Variants in DPP6 observed in about 807,000 individuals in gnomAD.
DPP6 encodes the protein A-type potassium channel modulatory protein DPP6.
DPP6 carries 69 observed loss-of-function variants against 122.6 expected under a neutral mutation model. The observed-to-expected ratio is 0.56, with a 90% CI of 0.46 to 0.69. DPP6 has a LOEUF of 0.69. Ranked by LOEUF, DPP6 falls within the 30% of genes least tolerant of loss-of-function variation. The pLI is 0.00. For synonymous variants in DPP6, 418 were observed against 433.1 expected, an observed-to-expected ratio of 0.97 and a Z score of 0.43; for missense variants, 928 against 1,116.9, an observed-to-expected ratio of 0.83 and a Z score of 2.41.
the DPP6 span, among the ~76,000 whole-genome samples, chr7:153,866,891 A>G: frequency 6.6e-6 from 1 of 152,078 alleles, no homozygotes; most frequent in Admixed American, 6.5e-5. Context: ...TCCCAGCACC[A>G]TTTATTAAAT....
intron 1 of DPP6, among the ~76,000 whole-genome samples, chr7:153,964,950 TTC>T (rs1371749620): frequency 3.1e-5 from 4 of 129,068 alleles, no homozygotes; most frequent in East Asian, 2.1e-4. Flanking sequence ...TTTTCTTTCT[TTC>T]TCTCTTTCTT....
In DPP6 at chr7:154,603,581, A is replaced by G. The variant is rs143217185; in HGVS notation, c.628-34240A>G. On this transcript the variant is annotated intron_variant, in intron 5 of 25. Transcript: ENST00000377770. ...TGAGGCAGGAGAATTGCTTGAAACC[A>G]GGAGGTGGAGGTTGCAATGAGCCAA... Among the ~76,000 whole-genome samples the G allele has an allele frequency of 1.7e-4, 17 of 97,340 alleles. 1 individual carries two copies. Among genetic ancestry groups the G allele is most frequent in the African/African-American group, 4.9e-4 (15 of 30,764 alleles). The allele number at this position is 97,340 out of a possible 152,430, so 63.9% of individuals were successfully genotyped here. A position where few individuals can be genotyped will look rare whatever the true frequency, so the allele number is the denominator to read the frequency against.
At chr7:154,418,130 G>T (rs1312907732) in intron 1 of DPP6, among the ~76,000 whole-genome samples, 1 of 152,138 alleles carries the variant, frequency 6.6e-6, no homozygotes, top group Non-Finnish European at 1.5e-5. Context: ...CCTCCAGCAT[G>T]CCATAGCAGA....
intron 5 of DPP6, among the ~76,000 whole-genome samples, chr7:154,595,864 G>A (rs994672023): frequency 2.6e-5 from 4 of 152,196 alleles, no homozygotes; most frequent in African/African-American, 9.7e-5. Context: ...TTTGAGACCA[G>A]CCTGGCCAAC....
chr7:154,093,998 G>C (rs180724592), intron 1 of DPP6: 175 of 152,318 alleles, frequency 1.1e-3, no homozygotes, highest in African/African-American at 4.1e-3. Flanking sequence ...GAGGTTTTCT[G>C]CAGCAATTTC....
intron 1 of DPP6, among the ~76,000 whole-genome samples, chr7:154,267,585 A>G (rs1803511498): frequency 6.6e-6 from 1 of 151,218 alleles, no homozygotes; most frequent in South Asian, 2.1e-4. Flanking sequence ...ACATATGTGC[A>G]CATACATATA....
chr7:154,401,374 G>A (rs6978856), intron 1 of DPP6, among the ~76,000 whole-genome samples: 6,183 of 152,148 alleles, frequency 0.041, 400 homozygotes, highest in African/African-American at 0.14. Flanking sequence ...CCAGAATCCC[G>A]TGGCTTAACT....
intron 7 of DPP6, among the ~76,000 whole-genome samples, chr7:154,688,911 A>G (rs557868183): frequency 1.7e-4 from 26 of 152,330 alleles, no homozygotes; most frequent in Non-Finnish European, 2.4e-4. Flanking sequence ...CAGCTGGTTA[A>G]TAGAATTGCA....
chr7:154,255,898 C>G (rs1225382641), intron 1 of DPP6, among the ~76,000 whole-genome samples: 2 of 152,088 alleles, frequency 1.3e-5, no homozygotes, highest in African/African-American at 2.4e-5. Flanking sequence ...TTTACTCACC[C>G]CTCTTAACTT....
At position 154,889,301 on chromosome 7, in the gene DPP6, G is replaced by C. The variant is rs766943750; in HGVS notation, c.2334G>C (p.Ala778=). ...CCAAGGTAGCCCATCGAGTCTCCGC[G>C]CTGGAAGAACAGCAGTTCCTGATCA... The part of the protein sequence containing the change: ...EMTKVAHRVS[A]LEEQQFLIIH... The change falls in exon 24 of 26, where the codon GCG becomes GCC. Residue 778 remains alanine (A), a synonymous_variant. Transcript: ENST00000377770. The C allele has an allele frequency of 1.2e-6, 2 of 1,612,838 alleles. No homozygotes were observed. Among genetic ancestry groups the C allele is most frequent in the Non-Finnish European group, 1.7e-6 (2 of 1,179,700 alleles).
intron 6 of DPP6, among the ~76,000 whole-genome samples, chr7:154,658,838 G>A (rs1837437986): frequency 6.6e-6 from 1 of 152,236 alleles, no homozygotes; most frequent in African/African-American, 2.4e-5. Flanking sequence ...TTAGTGGTCA[G>A]CTGAGGTTGG....
Position 153,967,384 on chromosome 7 carries a change from T to C in DPP6, c.51+79650T>C, listed in dbSNP as rs182062209. On this transcript the variant is annotated intron_variant, in intron 1 of 25. Coordinates refer to the DPP6 transcript ENST00000404039. Reference sequence around the variant, plus strand: ...AACTCCAGGAGCTCCTAGGAGCCACTGTGGAAAAGAGGCCGGAGCATGAAC... The same window carrying C: ...AACTCCAGGAGCTCCTAGGAGCCACCGTGGAAAAGAGGCCGGAGCATGAAC... Among the ~76,000 whole-genome samples, 139 of 152,232 alleles carry C rather than the reference T, an allele frequency of 9.1e-4. 1 individual carries two copies. Among genetic ancestry groups the C allele is most frequent in the Middle Eastern group, 3.4e-3 (1 of 294 alleles).
chr7:153,923,097 T>C (rs1020472636), intron 1 of DPP6, among the ~76,000 whole-genome samples: 2 of 152,130 alleles, frequency 1.3e-5, no homozygotes, highest in Non-Finnish European at 2.9e-5. Flanking sequence ...GATGGAATGG[T>C]GAAACCAGCT....
intron 7 of DPP6, among the ~76,000 whole-genome samples, chr7:154,707,732 G>C (rs886716147): frequency 2.0e-5 from 3 of 152,130 alleles, no homozygotes; most frequent in African/African-American, 7.2e-5. Context: ...ATTTATAAAG[G>C]AAAAAAGGTT....
At chr7:154,597,734 C>T (rs1833187525) in intron 5 of DPP6, among the ~76,000 whole-genome samples, 1 of 152,134 alleles carries the variant, frequency 6.6e-6, no homozygotes, top group Admixed American at 6.5e-5. Context: ...AGTCAGAGAT[C>T]GAGGTGTCTG....
At chr7:154,070,801 C>CAATAAGTGAAT (rs1441092921) in intron 1 of DPP6, among the ~76,000 whole-genome samples, 3 of 152,210 alleles carry the variant, frequency 2.0e-5, no homozygotes, top group East Asian at 3.9e-4. Context: ...AAACCATTCC[C>CAATAAGTGAAT]AATAAGTGAA....
intron 7 of DPP6, among the ~76,000 whole-genome samples, chr7:154,669,919 G>C (rs1391528353): frequency 6.6e-6 from 1 of 152,098 alleles, no homozygotes; most frequent in Non-Finnish European, 1.5e-5. Context: ...GGGTGCAGTG[G>C]CACGATCTCA....
intron 1 of DPP6, among the ~76,000 whole-genome samples, chr7:154,230,438 A>G (rs1164569816): frequency 6.6e-6 from 1 of 152,140 alleles, no homozygotes; most frequent in Non-Finnish European, 1.5e-5. Context: ...TCTTTAAGGG[A>G]CTGATGCAGC....
At chr7:153,810,989 C>G in the DPP6 span, among the ~76,000 whole-genome samples, 1 of 151,890 alleles carries the variant, frequency 6.6e-6, no homozygotes, top group African/African-American at 2.4e-5. Context: ...TTAACCAGTA[C>G]TGGAATTTAA....
Sources: allele counts gnomAD v4.1 joint callset (sites outside exome capture counted in the v4.1 genomes callset), GRCh38; gene constraint gnomAD v4.1.1; transcripts MANE v1.5; gene names NCBI Gene and HGNC (gene_info 2026-07-23, HGNC 2026-07-21).